RPH3A: variants seen among roughly 807,000 people sequenced by gnomAD.
RPH3A encodes rabphilin-3A.
A neutral mutation model predicts 102.2 loss-of-function variants in RPH3A; 48 were observed. The observed-to-expected ratio is 0.47, with a 90% CI of 0.37 to 0.60. RPH3A has a LOEUF of 0.60. RPH3A is among the 20% of genes least tolerant of loss of function. The probability of loss-of-function intolerance (pLI) is 0.00; values close to 1 mark genes in which losing one functional copy is unlikely to be tolerated. For missense variants in RPH3A, 781 were observed against 910.1 expected, an observed-to-expected ratio of 0.86 and a Z score of 1.83; for synonymous variants, 310 against 324.3, an observed-to-expected ratio of 0.96 and a Z score of 0.47.
chr12:112,743,274 A>G (rs1200702772), intron 1 of RPH3A, among the ~76,000 whole-genome samples: 2 of 152,214 alleles, frequency 1.3e-5, no homozygotes, highest in African/African-American at 4.8e-5. Flanking sequence ...GCAGCGTGGA[A>G]CACTCCAGGC....
At chr12:112,870,541 G>A (rs1234903527) in intron 10 of RPH3A, among the ~76,000 whole-genome samples, 1 of 152,114 alleles carries the variant, frequency 6.6e-6, no homozygotes, top group Non-Finnish European at 1.5e-5. Flanking sequence ...GTGCCCATTG[G>A]TAGGGGTCAT....
intron 1 of RPH3A, among the ~76,000 whole-genome samples, chr12:112,589,014 G>C (rs1592895539): frequency 6.6e-6 from 1 of 152,134 alleles, no homozygotes; most frequent in Non-Finnish European, 1.5e-5. Flanking sequence ...ATTCTTGGGG[G>C]AAGGGGGGAG....
chr12:112,591,553 G>A (rs1285626485), intron 1 of RPH3A: 2 of 152,228 alleles, frequency 1.3e-5, no homozygotes, highest in Admixed American at 1.3e-4. Flanking sequence ...AGGCTGTGAC[G>A]TGCTGAACTT....
chr12:112,857,620 C>A (rs2136205615), intron 5 of RPH3A, among the ~76,000 whole-genome samples: 1 of 152,288 alleles, frequency 6.6e-6, no homozygotes, highest in Non-Finnish European at 1.5e-5. Flanking sequence ...AGGATTGAAG[C>A]CCTGTCAATG....
chr12:112,679,985 G>A (rs78777545), intron 1 of RPH3A, among the ~76,000 whole-genome samples: 2,986 of 152,340 alleles, frequency 0.02, 50 homozygotes, highest in Non-Finnish European at 0.03. Context: ...CATTTTAGCC[G>A]AGATGTGCAG....
intron 2 of RPH3A, 45 bp from the exon 3 acceptor site, chr12:112,828,256 G>A: frequency 2.2e-6 from 3 of 1,334,152 alleles, no homozygotes; most frequent in South Asian, 2.4e-5. Context: ...ACTAAGGAGT[G>A]GCTGAATGAT....
intron 2 of RPH3A, among the ~76,000 whole-genome samples, chr12:112,801,128 G>A (rs958915087): frequency 1.3e-5 from 2 of 152,204 alleles, no homozygotes; most frequent in African/African-American, 2.4e-5. Context: ...CTGCGGGAAA[G>A]GCTGCTGGAT....
In RPH3A at chr12:112,824,345, C is replaced by T. The variant is rs533698785; in HGVS notation, c.-18-3956C>T. Reference sequence around the variant, plus strand: ...CAAAGCAGCTCCTGTTGGATGAGGGCGATTCTCTGGAAAATGGTGCTGCTA... The same window carrying T: ...CAAAGCAGCTCCTGTTGGATGAGGGTGATTCTCTGGAAAATGGTGCTGCTA... On this transcript the variant is annotated intron_variant, in intron 2 of 21. Transcript: ENST00000389385. 6.6e-5 allele frequency among the ~76,000 whole-genome samples: 10 copies of T among 152,238 alleles called. 1 individual carries two copies. The highest frequency in any genetic ancestry group is 9.6e-5 in the African/African-American group (4 of 41,516).
At chr12:112,895,989 T>C (rs1450512624) in intron 21 of RPH3A, 116 bp downstream of exon 21, 18 of 688,392 alleles carry the variant, frequency 2.6e-5, no homozygotes, top group South Asian at 1.4e-4. Context: ...AACCTCATTG[T>C]TCAAATGCTA....
intron 1 of RPH3A, among the ~76,000 whole-genome samples, chr12:112,709,537 G>A (rs1161542327): frequency 2.1e-5 from 3 of 142,202 alleles, no homozygotes; most frequent in South Asian, 4.7e-4. Flanking sequence ...GTGACAGAGC[G>A]AAACCCTGTC....
At chr12:112,746,033 A>G (rs2040743073) in intron 1 of RPH3A, among the ~76,000 whole-genome samples, 1 of 151,828 alleles carries the variant, frequency 6.6e-6, no homozygotes, top group Non-Finnish European at 1.5e-5. Flanking sequence ...TTAAAGAGTG[A>G]ATCCAGATGA....
chr12:112,885,500 G>A (rs1258648917), intron 16 of RPH3A, among the ~76,000 whole-genome samples: 1 of 152,134 alleles, frequency 6.6e-6, no homozygotes, highest in Non-Finnish European at 1.5e-5. Flanking sequence ...ATTTTCTTAA[G>A]CAGTTCCTCC....
At chr12:112,696,390 GTTCT>G (rs1031372329) in intron 1 of RPH3A, among the ~76,000 whole-genome samples, 1 of 152,136 alleles carries the variant, frequency 6.6e-6, no homozygotes, top group African/African-American at 2.4e-5. Context: ...TCTGCTTTTA[GTTCT>G]TTAAGAAATC....
intron 1 of RPH3A, among the ~76,000 whole-genome samples, chr12:112,730,952 T>C (rs2040629115): frequency 6.6e-6 from 1 of 152,216 alleles, no homozygotes; most frequent in African/African-American, 2.4e-5. Context: ...TGTAGGCTGC[T>C]ACAGCCTCCC....
chr12:112,685,665 T>C (rs1813706220), intron 1 of RPH3A, among the ~76,000 whole-genome samples: 1 of 152,170 alleles, frequency 6.6e-6, no homozygotes, highest in South Asian at 2.1e-4. Context: ...TCCCAGCCTT[T>C]GGGCCAGCTG....
chr12:112,663,107 CGAGA>C (rs113192025), intron 1 of RPH3A, among the ~76,000 whole-genome samples: 7 of 129,780 alleles, frequency 5.4e-5, no homozygotes, highest in South Asian at 2.4e-4. Context: ...AGAGAGAGAG[CGAGA>C]GAGAGAGAGA....
intron 1 of RPH3A, among the ~76,000 whole-genome samples, chr12:112,619,610 CTG>C (rs2039707420): frequency 2.0e-5 from 3 of 152,086 alleles, no homozygotes; most frequent in African/African-American, 7.2e-5. Flanking sequence ...TTTTGAGAAA[CTG>C]TGAAATTATT....
intron 1 of RPH3A, among the ~76,000 whole-genome samples, chr12:112,683,524 G>A (rs1258434403): frequency 6.6e-6 from 1 of 152,172 alleles, no homozygotes; most frequent in African/African-American, 2.4e-5. Context: ...CCAAGGAGGA[G>A]GAGTGAGGGA....
chr12:112,764,842 A>G (rs544457358), intron 1 of RPH3A, among the ~76,000 whole-genome samples: 1 of 152,132 alleles, frequency 6.6e-6, no homozygotes, highest in East Asian at 1.9e-4. Flanking sequence ...TGACCTCACC[A>G]TCCCCTCTTA....
Sources: allele counts gnomAD v4.1 joint callset (sites outside exome capture counted in the v4.1 genomes callset), GRCh38; gene constraint gnomAD v4.1.1; transcripts MANE v1.5; gene names NCBI Gene and HGNC (gene_info 2026-07-23, HGNC 2026-07-21).